FGD6: variants seen among roughly 807,000 people sequenced by gnomAD.
FGD6 encodes FYVE, RhoGEF and PH domain containing 6.
Under a neutral mutation model 149.4 loss-of-function variants are expected in FGD6, and 90 were observed. The ratio of observed to expected loss-of-function variants is 0.60; its 90% CI spans 0.51 to 0.72. FGD6 has a LOEUF of 0.72. Ranked by LOEUF, FGD6 falls within the 30% of genes least tolerant of loss-of-function variation. FGD6 has a pLI of 0.00. For synonymous variants in FGD6, 527 were observed against 584.0 expected, an observed-to-expected ratio of 0.90 and a Z score of 1.41; for missense variants, 1,437 against 1,684.8, an observed-to-expected ratio of 0.85 and a Z score of 2.57.
At chr12:95,195,932 C>G (rs1181706980) in intron 2 of FGD6, among the ~76,000 whole-genome samples, 1 of 151,580 alleles carries the variant, frequency 6.6e-6, no homozygotes, top group Non-Finnish European at 1.5e-5. Flanking sequence ...ATCAGTGTGG[C>G]CAAACATGGC....
chr12:95,169,392 A>T (rs566121540), intron 3 of FGD6, among the ~76,000 whole-genome samples: 104 of 150,908 alleles, frequency 6.9e-4, no homozygotes, highest in Middle Eastern at 6.8e-3. Context: ...TAGTCCTTTA[A>T]AAAAAAAAAG....
rs2056725315 is a variant in FGD6, at chr12:95,211,212, C to T, written c.72G>A (p.Lys24=). 1.9e-6 allele frequency: 3 copies of T among 1,610,272 alleles called. No individual in the cohort carries two copies. In the African/African-American group the frequency reaches 4.0e-5, roughly 22 times the overall value. ...TAGGTGCAATAGGAGGTGGGGCTGGCTTATTATTTGCCACAACAAACTTGG... is the reference window on the plus strand; with the variant it reads ...TAGGTGCAATAGGAGGTGGGGCTGGTTTATTATTTGCCACAACAAACTTGG... ...PKPKFVVANN[K]PAPPPIAPKP... Residue 24 remains lysine (K), a synonymous_variant, in exon 2 of 21, where the codon AAG becomes AAA. Transcript: ENST00000343958.
At chr12:95,109,312 C>T (rs1878735799) in intron 9 of FGD6, among the ~76,000 whole-genome samples, 1 of 152,170 alleles carries the variant, frequency 6.6e-6, no homozygotes, top group African/African-American at 2.4e-5. Flanking sequence ...CCATAGTGCT[C>T]CCTTAGGGAC....
chr12:95,181,532 A>G (rs1178807137), intron 2 of FGD6, among the ~76,000 whole-genome samples: 2 of 152,240 alleles, frequency 1.3e-5, no homozygotes, highest in South Asian at 2.1e-4. Flanking sequence ...CATAAAATAA[A>G]TCTGCAACAT....
At chr12:95,101,230 C>T (rs1245590157) in intron 14 of FGD6, among the ~76,000 whole-genome samples, 2 of 151,906 alleles carry the variant, frequency 1.3e-5, no homozygotes, top group African/African-American at 4.8e-5. Flanking sequence ...CCCTGTAGTC[C>T]CAGTGACTCG....
intron 8 of FGD6, among the ~76,000 whole-genome samples, chr12:95,123,129 A>G (rs1879240501): frequency 2.0e-5 from 3 of 151,752 alleles, no homozygotes; most frequent in African/African-American, 4.8e-5. Flanking sequence ...TCCTGGGCCA[A>G]TGCACCCCCT....
At chr12:95,086,844 CTTTTTTTTT>C (rs35618842) in intron 18 of FGD6, among the ~76,000 whole-genome samples, 2 of 92,892 alleles carry the variant, frequency 2.2e-5, no homozygotes, top group African/African-American at 8.5e-5. Flanking sequence ...CCACACCGGC[CTTTTTTTTT>C]TTTTTTTTTT....
Position 95,111,176 on chromosome 12 carries a change from T to G in FGD6, c.3133+2475A>C, listed in dbSNP as rs528310092. On this transcript the variant is annotated intron_variant, in intron 9 of 20. Transcript: ENST00000343958. ...TTTGTATTTTTAGTAGCAAAGGGTT[T>G]TGCCATGTTGCCCAGGCTGGTCTTG... is the stretch of plus-strand genomic sequence containing the variant. 3.3e-5 allele frequency among the ~76,000 whole-genome samples: 5 copies of G among 152,276 alleles called. No individual in the cohort carries two copies. In the South Asian group the frequency reaches 1.0e-3, roughly 32 times the overall value.
intron 14 of FGD6, among the ~76,000 whole-genome samples, chr12:95,098,140 C>T (rs1356146220): frequency 2.6e-5 from 4 of 152,130 alleles, no homozygotes; most frequent in Admixed American, 6.5e-5. Context: ...GTTGCATATG[C>T]ACCTCACATT....
chr12:95,134,759 T>C lies in FGD6; in HGVS notation c.3062A>G (p.Gln1021Arg). Residue 1021 changes from glutamine (Q) to arginine (R), a missense_variant, in exon 8 of 21, where the codon CAG (glutamine) becomes CGG (arginine). Gln to Arg is a conservative substitution (Grantham distance 43). Transcript: ENST00000343958. ...CCCACCTGTCAGCAACAGCCTGTAC[T>C]GGGGGATCCTCTGAACCGGCTTGAG... ...YLLKPVQRIP[Q>R]YRLLLTDYLK... 6.2e-7 allele frequency: 1 copy of C among 1,613,848 alleles called. No individual in the cohort carries two copies. The highest frequency in any genetic ancestry group is 8.5e-7 in the Non-Finnish European group (1 of 1,179,908).
At chr12:95,185,897 G>GCA (rs1881416419) in intron 2 of FGD6, among the ~76,000 whole-genome samples, 1 of 152,002 alleles carries the variant, frequency 6.6e-6, no homozygotes, top group South Asian at 2.1e-4. Flanking sequence ...CATACCACCT[G>GCA]CAATGAAGAT....
At chr12:95,216,043 T>C (rs60755216) in intron 1 of FGD6, among the ~76,000 whole-genome samples, 12,719 of 152,300 alleles carry the variant, frequency 0.084, 573 homozygotes, top group Middle Eastern at 0.12. Flanking sequence ...AGATATCTCA[T>C]ATAAGTGCAT....
chr12:95,152,832 A>G lies in FGD6; in HGVS notation c.2664T>C (p.Asp888=). 1 of 1,613,520 alleles carries G rather than the reference A, an allele frequency of 6.2e-7. No individual in the cohort carries two copies. The highest frequency in any genetic ancestry group is 1.1e-5 in the South Asian group (1 of 91,034). Residue 888 remains aspartate (D), a synonymous_variant, in exon 5 of 21, where the codon GAT becomes GAC. Coordinates refer to ENST00000343958, the MANE Select transcript of FGD6 (RefSeq NM_018351.4). The part of the protein sequence containing the change: ...EIMSSEKVFV[D]VLKLLHIDFR... ...TTACAATATGCAAAAGTTTTAACAC[A>G]TCCACAAACCTGTAAAAAACAACAA...
At chr12:95,164,227 CTT>C (rs5800187) in intron 3 of FGD6, among the ~76,000 whole-genome samples, 245 of 140,804 alleles carry the variant, frequency 1.7e-3, no homozygotes, top group East Asian at 2.1e-3. Context: ...TTTGTAAATT[CTT>C]TTTTTTTTTT....
rs1289480360 is a variant in FGD6 at position 95,078,195 on chromosome 12, G to A, written c.*3325C>T. On this transcript the variant is annotated 3_prime_UTR_variant, in exon 21 of 21. Transcript: ENST00000343958. ...TCTCTTAAAAACTAAAAAGACCTAGGGCAGTATTATGGAAGACAGTGATAT... is the reference window on the plus strand; with the variant it reads ...TCTCTTAAAAACTAAAAAGACCTAGAGCAGTATTATGGAAGACAGTGATAT... 6.6e-6 allele frequency: 1 copy of A among 152,078 alleles called. No individual in the cohort carries two copies. The highest frequency in any genetic ancestry group is 2.4e-5 in the African/African-American group (1 of 41,392). 9.4% of individuals were successfully genotyped at this position (152,078 alleles called of 1,614,324 possible). A position where few individuals can be genotyped will look rare whatever the true frequency, so the allele number is the denominator to read the frequency against.
At chr12:95,084,719 T>TGTAG in intron 19 of FGD6, 73 bp from the exon 20 acceptor site, 1 of 1,202,774 alleles carries the variant, frequency 8.3e-7, no homozygotes, top group Non-Finnish European at 1.1e-6. Context: ...ACTCTTGATC[T>TGTAG]ACATAGCTCT....
chr12:95,093,143 C>T (rs759609787), intron 15 of FGD6, among the ~76,000 whole-genome samples: 2 of 151,896 alleles, frequency 1.3e-5, no homozygotes, highest in African/African-American at 4.8e-5. Flanking sequence ...ATTACTTGAA[C>T]CTGGGAGGTG....
chr12:95,169,490 G>T (rs1185782695), intron 3 of FGD6, among the ~76,000 whole-genome samples: 2 of 152,098 alleles, frequency 1.3e-5, no homozygotes, highest in Non-Finnish European at 2.9e-5. Context: ...GGAAAGGCAG[G>T]CACAAACGCA....
intron 2 of FGD6, among the ~76,000 whole-genome samples, chr12:95,198,599 C>A (rs1206673327): frequency 1.3e-5 from 2 of 152,102 alleles, no homozygotes; most frequent in Admixed American, 6.6e-5. Flanking sequence ...GCCACCACGC[C>A]CGGCTAATTT....
Sources: allele counts gnomAD v4.1 joint callset (sites outside exome capture counted in the v4.1 genomes callset), GRCh38; gene constraint gnomAD v4.1.1; transcripts MANE v1.5; gene names NCBI Gene and HGNC (gene_info 2026-07-23, HGNC 2026-07-21).